The following QSOX1 variants were observed in gnomAD, a reference collection of about 807,000 sequenced individuals.
The protein encoded by QSOX1 is sulfhydryl oxidase 1.
In QSOX1, 40 loss-of-function variants were observed where a neutral mutation model predicts 76.1. The observed-to-expected ratio is 0.53, with a 90% CI of 0.41 to 0.68. The LOEUF (loss-of-function observed/expected upper bound fraction) is 0.68. QSOX1 is among the 30% of genes least tolerant of loss of function. The probability of loss-of-function intolerance (pLI) is 0.00; values close to 1 mark genes in which losing one functional copy is unlikely to be tolerated. For synonymous variants in QSOX1, 392 were observed against 413.1 expected (o/e 0.95, Z 0.62); for missense variants, 931 against 974.3 (o/e 0.96, Z 0.59).
chr1:180,168,778 A>G (rs1662696765), intron 2 of QSOX1, among the ~76,000 whole-genome samples: 1 of 152,104 alleles, frequency 6.6e-6, no homozygotes, highest in South Asian at 2.1e-4. Flanking sequence ...CAATATCCAG[A>G]GATTCGGGGC....
intron 2 of QSOX1, among the ~76,000 whole-genome samples, chr1:180,172,758 A>G (rs1662792792): frequency 6.6e-6 from 1 of 152,118 alleles, no homozygotes; most frequent in Non-Finnish European, 1.5e-5. Context: ...ACCTCAAGTG[A>G]TCCGCCCACC....
rs371855095 is a variant in QSOX1, at chr1:180,197,092, C to T, written c.*55C>T. On this transcript the variant is annotated 3_prime_UTR_variant, in exon 12 of 12. Coordinates refer to ENST00000367602, the MANE Select transcript of QSOX1 (RefSeq NM_002826.5). ...CTGCCATCTCTAGGCACCTCAAGCC[C>T]CCTGACCCCATTCCCTCCCCTCCCA... 8.2e-4 allele frequency: 1,260 copies of T among 1,536,404 alleles called. 8 individuals carry two copies. In the African/African-American group the frequency reaches 0.016, roughly 19 times the overall value.
In QSOX1 at chr1:180,198,635, C is replaced by T. The variant is rs190015233; in HGVS notation, c.*1598C>T. The T allele has an allele frequency of 2.9e-6, 1 of 348,900 alleles. No homozygotes were observed. Among genetic ancestry groups the T allele is most frequent in the Non-Finnish European group, 5.7e-6 (1 of 175,004 alleles). 21.6% of individuals were successfully genotyped at this position (348,900 alleles called of 1,614,324 possible). On this transcript the variant is annotated 3_prime_UTR_variant, in exon 12 of 12. Transcript: ENST00000367602. ...GGGATGGCAGTCTCCCTGCATGTTTCCCTCGACCTCTTTAGCTGCAGCGCC... is the reference window on the plus strand; with the variant it reads ...GGGATGGCAGTCTCCCTGCATGTTTTCCTCGACCTCTTTAGCTGCAGCGCC...
intron 8 of QSOX1, among the ~76,000 whole-genome samples, chr1:180,187,575 C>T (rs368187428): frequency 2.0e-5 from 3 of 152,370 alleles, no homozygotes; most frequent in African/African-American, 7.2e-5. Context: ...ATCAAACCTG[C>T]TATTTTCTTT....
At chr1:180,180,692 T>G (rs1663008873) in intron 5 of QSOX1, among the ~76,000 whole-genome samples, 1 of 152,160 alleles carries the variant, frequency 6.6e-6, no homozygotes, top group Admixed American at 6.5e-5. Context: ...TTTTTTTATA[T>G]TTTTAGTAGA....
chr1:180,195,666 G>C (rs1663458282), intron 11 of QSOX1, among the ~76,000 whole-genome samples: 1 of 152,038 alleles, frequency 6.6e-6, no homozygotes, highest in South Asian at 2.1e-4. Context: ...GTACCCCTCA[G>C]GTCTCCCCCC....
chr1:180,178,851 CT>C lies in QSOX1; in HGVS notation c.576del (p.Phe192LeufsTer28). On this transcript the variant is annotated frameshift_variant, in exon 5 of 12. Coordinates refer to ENST00000367602, the MANE Select transcript of QSOX1 (RefSeq NM_002826.5). LOFTEE classifies it high-confidence loss of function. ...RNNEEYLALIFEKGGSYLGRE... is the reference protein window; with the variant it reads ...RNNEEYLALIXEKGGSYLGRE... ...ATAACGAAGAGTACCTGGCTCTGAT[CT>C]TTGAAAAGGGAGGCTCCTACCTGGG... is the stretch of plus-strand genomic sequence containing the variant. The C allele has an allele frequency of 6.2e-7, 1 of 1,613,960 alleles. No individual in the cohort carries two copies. The highest frequency in any genetic ancestry group is 8.5e-7 in the Non-Finnish European group (1 of 1,179,836).
chr1:180,157,922 T>A (rs74919047), intron 1 of QSOX1, among the ~76,000 whole-genome samples: 1,968 of 152,318 alleles, frequency 0.013, 39 homozygotes, highest in African/African-American at 0.045. Context: ...GTTCAGCCAT[T>A]TCTTATGGGA....
rs939821256 is a variant in QSOX1, at chr1:180,178,233, TTTTG to T, written c.516-545_516-542del. On this transcript the variant is annotated intron_variant, in intron 4 of 11. Coordinates refer to ENST00000367602, the MANE Select transcript of QSOX1 (RefSeq NM_002826.5). ...CGGCCTCCTACCCACTTCCGACTCT[TTTTG>T]TTTGTTTGTTTGTTTTTTGGAGACG... 9.2e-5 allele frequency among the ~76,000 whole-genome samples: 14 copies of T among 152,176 alleles called. No individual in the cohort carries two copies. In the South Asian group the frequency reaches 1.0e-3, roughly 11 times the overall value.
chr1:180,159,499 G>A (rs2149228858), intron 1 of QSOX1, among the ~76,000 whole-genome samples: 1 of 152,308 alleles, frequency 6.6e-6, no homozygotes, highest in South Asian at 2.1e-4. Flanking sequence ...TTGTGATTCT[G>A]GAATCGGACA....
chr1:180,197,312 C>T lies in QSOX1; in HGVS notation c.*275C>T, dbSNP rs745685022. The T allele has an allele frequency of 1.9e-6, 3 of 1,614,020 alleles. No individual in the cohort carries two copies. The South Asian group carries it at 3.3e-5, about 18-fold the overall frequency. On this transcript the variant is annotated 3_prime_UTR_variant, in exon 12 of 12. Transcript: ENST00000367602. Reference sequence around the variant, plus strand: ...GGCAGCTCAGTCCCTGGCCTCTTAGCACCACATTCCTGTTTTTCAGCTTAT... The same window carrying T: ...GGCAGCTCAGTCCCTGGCCTCTTAGTACCACATTCCTGTTTTTCAGCTTAT...
Position 180,199,285 on chromosome 1 carries a change from G to A in QSOX1, c.*2248G>A, listed in dbSNP as rs1359189019. On this transcript the variant is annotated 3_prime_UTR_variant, in exon 12 of 12. Coordinates refer to ENST00000367602, the MANE Select transcript of QSOX1 (RefSeq NM_002826.5). The stretch of plus-strand genomic sequence containing the variant: ...TCCCCCACCCAGTCTGCCAGGCTGG[G>A]AGCTGGAGCTTGCTGAGTCTTGAAT... The A allele has an allele frequency of 1.3e-5, 2 of 152,268 alleles. No individual in the cohort carries two copies. Among genetic ancestry groups the A allele is most frequent in the African/African-American group, 2.4e-5 (1 of 41,470 alleles). 9.4% of individuals were successfully genotyped at this position (152,268 alleles called of 1,614,324 possible). A position where few individuals can be genotyped will look rare whatever the true frequency, so the allele number is the denominator to read the frequency against.
In QSOX1 at chr1:180,186,223, G is replaced by C. The variant is rs181979697; in HGVS notation, c.1017+41G>C. ...GCTTCCCTTGTCTGTGCAATTCTAC[G>C]GATGGTCAGTGTGCGTTCCTGTAAG... On this transcript the variant is annotated intron_variant, in intron 8 of 11. Coordinates refer to ENST00000367602, the MANE Select transcript of QSOX1 (RefSeq NM_002826.5). 13 of 1,578,954 alleles carry C rather than the reference G, an allele frequency of 8.2e-6. No homozygotes were observed. In the South Asian group the frequency reaches 1.5e-4, roughly 18 times the overall value.
chr1:180,192,828 G>T (rs1191812218), intron 10 of QSOX1, among the ~76,000 whole-genome samples: 4 of 152,168 alleles, frequency 2.6e-5, no homozygotes, highest in African/African-American at 9.7e-5. Flanking sequence ...CAAGCTGTGG[G>T]ACTGGATGAG....
At chr1:180,158,582 A>G (rs1455083714) in intron 1 of QSOX1, among the ~76,000 whole-genome samples, 4 of 152,188 alleles carry the variant, frequency 2.6e-5, no homozygotes, top group Non-Finnish European at 5.9e-5. Flanking sequence ...AGAAACTGTC[A>G]GCAAGGAGGA....
At chr1:180,195,978 C>G (rs1663472821) in intron 11 of QSOX1, among the ~76,000 whole-genome samples, 1 of 152,170 alleles carries the variant, frequency 6.6e-6, no homozygotes, top group African/African-American at 2.4e-5. Flanking sequence ...CTGGCCAACA[C>G]CGGGAAATGA....
chr1:180,198,405 A>G lies in QSOX1; in HGVS notation c.*1368A>G, dbSNP rs1410702930. On this transcript the variant is annotated 3_prime_UTR_variant, in exon 12 of 12. Transcript: ENST00000367602. ...ACTCGGTGGGGAGGAGTCAGCCAGGATTAGAGAGCCTGCCCCTAATCCGGC... is the reference window on the plus strand; with the variant it reads ...ACTCGGTGGGGAGGAGTCAGCCAGGGTTAGAGAGCCTGCCCCTAATCCGGC... 1 of 456,590 alleles carries G rather than the reference A, an allele frequency of 2.2e-6. No homozygotes were observed. The allele number at this position is 456,590 out of a possible 1,614,324, so 28.3% of individuals were successfully genotyped here.
chr1:180,186,762 T>A (rs775812235), intron 8 of QSOX1, among the ~76,000 whole-genome samples: 3 of 152,198 alleles, frequency 2.0e-5, no homozygotes, highest in Non-Finnish European at 4.4e-5. Context: ...AGGTGGGTGG[T>A]TTATTTTGTC....
rs570587928 is a variant in QSOX1, at chr1:180,182,460, G to C, written c.752+141G>C. 5.2e-5 allele frequency: 62 copies of C among 1,200,364 alleles called. No homozygotes were observed. In the African/African-American group the frequency reaches 7.9e-4, roughly 15 times the overall value. 74.4% of individuals were successfully genotyped at this position (1,200,364 alleles called of 1,614,324 possible). ...CCCTCAGGAGAAGCTGCAGTCTGCT[G>C]TCTGCGGGGCCAGCGCCTCCACCGT... On this transcript the variant is annotated intron_variant, in intron 6 of 11. Coordinates refer to ENST00000367602, the MANE Select transcript of QSOX1 (RefSeq NM_002826.5).
Sources: gnomAD v4.1 joint callset for allele counts (sites outside exome capture counted in the v4.1 genomes callset) on GRCh38, gnomAD v4.1.1 for gene constraint, MANE v1.5 for transcripts, NCBI Gene and HGNC (gene_info 2026-07-23, HGNC 2026-07-21) for gene names.